The following SIK3 variants were observed in gnomAD, a reference collection of about 807,000 sequenced individuals.
SIK3 encodes the protein SIK family kinase 3.
SIK3 carries 28 observed loss-of-function variants against 144.2 expected under a neutral mutation model. That is an observed-to-expected ratio of 0.19 (90% CI 0.14 to 0.27). SIK3 has a LOEUF of 0.27. Ranked by LOEUF, SIK3 falls within the 10% of genes least tolerant of loss-of-function variation. The pLI, the probability that SIK3 is intolerant of heterozygous loss-of-function variation, is 1.00. For synonymous variants in SIK3, 686 were observed against 676.3 expected, an observed-to-expected ratio of 1.01 and a Z score of -0.22; for missense variants, 1,319 against 1,776.0, an observed-to-expected ratio of 0.74 and a Z score of 4.62.
At position 116,843,985 on chromosome 11, in the gene SIK3, G is replaced by C. The variant is rs1941725827; in HGVS notation, c.*1658C>G. The C allele has an allele frequency of 6.6e-6, 1 of 152,142 alleles. No individual in the cohort carries two copies. The highest frequency in any genetic ancestry group is 2.1e-4 in the South Asian group (1 of 4,830). 9.4% of individuals were successfully genotyped at this position (152,142 alleles called of 1,614,324 possible). A position where few individuals can be genotyped will look rare whatever the true frequency, so the allele number is the denominator to read the frequency against. On this transcript the variant is annotated 3_prime_UTR_variant, in exon 25 of 25. Coordinates refer to ENST00000445177, the MANE Select transcript of SIK3 (RefSeq NM_001366686.3). ...CAGCAACATCAGGATGGCCATGCCG[G>C]GCACCCGCTTTCCTCTGTGCAAATT...
chr11:116,926,050 G>A (rs1225735822), intron 4 of SIK3, among the ~76,000 whole-genome samples: 1 of 152,150 alleles, frequency 6.6e-6, no homozygotes, highest in Non-Finnish European at 1.5e-5. Flanking sequence ...ACCCTGCAAA[G>A]GTACCCTTAG....
intron 1 of SIK3, among the ~76,000 whole-genome samples, chr11:117,047,422 C>A (rs1357842909): frequency 6.6e-6 from 1 of 152,104 alleles, no homozygotes; most frequent in Non-Finnish European, 1.5e-5. Context: ...TAAGAAGGCA[C>A]AGGGCTAAAG....
chr11:116,914,525 A>G (rs1349701610), intron 4 of SIK3, among the ~76,000 whole-genome samples: 1 of 152,098 alleles, frequency 6.6e-6, no homozygotes, highest in African/African-American at 2.4e-5. Context: ...TTTTTGATGG[A>G]CCACAAATGT....
intron 1 of SIK3, among the ~76,000 whole-genome samples, chr11:117,046,490 C>T (rs1952971120): frequency 6.6e-6 from 1 of 152,202 alleles, no homozygotes; most frequent in Admixed American, 6.5e-5. Context: ...GTTTTAATCA[C>T]TGCAAAGGTT....
At chr11:116,927,075 C>G (rs1478808020) in intron 4 of SIK3, 144 bp downstream of exon 4, 2 of 539,724 alleles carry the variant, frequency 3.7e-6, no homozygotes, top group African/African-American at 4.2e-5. Flanking sequence ...TATCAATTTT[C>G]AGGCTATTTT....
intron 21 of SIK3, among the ~76,000 whole-genome samples, chr11:116,851,576 T>C (rs1942445730): frequency 6.6e-6 from 1 of 152,080 alleles, no homozygotes; most frequent in Admixed American, 6.5e-5. Context: ...AGGAGGGAGC[T>C]TCCCAGCTAC....
At chr11:117,059,851 T>C (rs2135950082) in intron 1 of SIK3, among the ~76,000 whole-genome samples, 1 of 152,298 alleles carries the variant, frequency 6.6e-6, no homozygotes, top group East Asian at 1.9e-4. Flanking sequence ...AGTGACAACA[T>C]CAAATGCTGG....
chr11:116,914,909 G>A (rs541559124), intron 4 of SIK3, among the ~76,000 whole-genome samples: 122 of 151,998 alleles, frequency 8.0e-4, no homozygotes, highest in African/African-American at 2.9e-3. Context: ...AAATAATTTT[G>A]TCATTTTTCT....
chr11:117,098,087 C>G (rs1955561361), intron 1 of SIK3, 56 bp downstream of exon 1: 1 of 1,311,642 alleles, frequency 7.6e-7, no homozygotes, highest in African/African-American at 1.6e-5. Flanking sequence ...CTGGGGGGCG[C>G]GGACCTCTCC....
chr11:116,894,240 T>C (rs1370976308), intron 6 of SIK3, among the ~76,000 whole-genome samples: 2 of 152,174 alleles, frequency 1.3e-5, no homozygotes, highest in Non-Finnish European at 2.9e-5. Flanking sequence ...CAGAGTTTAA[T>C]TCATGGACCT....
In SIK3 at chr11:116,990,142, C is replaced by T. The variant is rs10128623; in HGVS notation, c.274-33078G>A. Among the ~76,000 whole-genome samples the T allele has an allele frequency of 3.6e-3, 553 of 152,306 alleles. 3 individuals carry two copies. The highest frequency in any genetic ancestry group is 0.013 in the African/African-American group (530 of 41,562). On this transcript the variant is annotated intron_variant, in intron 1 of 24. Transcript: ENST00000445177. ...ATATAAAGAAAAGGCTATGACTGAA[C>T]ACATGAACTATGCAACTTCTTGGCA...
At chr11:117,085,036 AT>A (rs372886668) in intron 1 of SIK3, among the ~76,000 whole-genome samples, 2 of 147,016 alleles carry the variant, frequency 1.4e-5, no homozygotes, top group African/African-American at 5.0e-5. Flanking sequence ...AAAAACATTA[AT>A]GTTTGTTAAC....
Position 116,873,417 on chromosome 11 carries a change from A to AG in SIK3, c.1737+63dup, listed in dbSNP as rs1211123082. 3.7e-6 allele frequency: 6 copies of AG among 1,611,142 alleles called. No homozygotes were observed. The African/African-American group carries it at 8.0e-5, about 22-fold the overall frequency. ...AGGTTGGCCCTGGGTTCCCAACCCC[A>AG]GGCTCACAACCTTTTTATCAAAAGC... On this transcript the variant is annotated intron_variant, in intron 13 of 24. Coordinates refer to ENST00000445177, the MANE Select transcript of SIK3 (RefSeq NM_001366686.3).
intron 1 of SIK3, among the ~76,000 whole-genome samples, chr11:117,062,507 C>T (rs902714213): frequency 1.3e-5 from 2 of 152,124 alleles, no homozygotes; most frequent in African/African-American, 2.4e-5. Context: ...CACCAAATAT[C>T]GGCCCAAAAT....
chr11:116,873,695 G>A, intron 12 of SIK3, 59 bp from the exon 13 acceptor site: 2 of 1,513,794 alleles, frequency 1.3e-6, no homozygotes, highest in Non-Finnish European at 1.8e-6. Flanking sequence ...GGGGAGAAAG[G>A]GGCAAGCCAC....
At position 117,037,441 on chromosome 11, in the gene SIK3, T is replaced by C. The variant is rs558537965; in HGVS notation, c.273+60702A>G. 2.0e-5 allele frequency among the ~76,000 whole-genome samples: 3 copies of C among 152,220 alleles called. No individual in the cohort carries two copies. The South Asian group carries it at 6.2e-4, about 32-fold the overall frequency. Reference sequence around the variant, plus strand: ...TATCAGAAAGCAAAACAAGACTAATTGCCACATGACTCAGAGACAATTAGG... The same window carrying C: ...TATCAGAAAGCAAAACAAGACTAATCGCCACATGACTCAGAGACAATTAGG... On this transcript the variant is annotated intron_variant, in intron 1 of 24. Coordinates refer to ENST00000445177, the MANE Select transcript of SIK3 (RefSeq NM_001366686.3).
intron 1 of SIK3, among the ~76,000 whole-genome samples, chr11:117,066,862 A>T (rs1240519580): frequency 1.3e-5 from 2 of 152,174 alleles, no homozygotes; most frequent in African/African-American, 2.4e-5. Context: ...AATGAGCAAA[A>T]GATCTGAACA....
intron 1 of SIK3, among the ~76,000 whole-genome samples, chr11:117,021,073 C>A (rs1951744195): frequency 6.6e-6 from 1 of 152,156 alleles, no homozygotes; most frequent in African/African-American, 2.4e-5. Flanking sequence ...CACCAGCTGG[C>A]AGCTGCTGCA....
chr11:117,016,389 A>G, intron 1 of SIK3, among the ~76,000 whole-genome samples: 1 of 111,336 alleles, frequency 9.0e-6, no homozygotes, highest in Non-Finnish European at 1.8e-5. Flanking sequence ...GGAGAGAGGG[A>G]GGGAGGGAAG....
Sources: allele counts gnomAD v4.1 joint callset (sites outside exome capture counted in the v4.1 genomes callset), GRCh38; gene constraint gnomAD v4.1.1; transcripts MANE v1.5; gene names NCBI Gene and HGNC (gene_info 2026-07-23, HGNC 2026-07-21).